The following MYO3B variants were observed in gnomAD, a reference collection of about 807,000 sequenced individuals.
The protein encoded by MYO3B is myosin-IIIb.
Under a neutral mutation model 174.6 loss-of-function variants are expected in MYO3B, and 156 were observed. The observed-to-expected ratio is 0.89, with a 90% confidence interval of 0.78 to 1.02. MYO3B has a LOEUF of 1.02. MYO3B is among the 50% of genes least tolerant of loss of function. MYO3B has a pLI of 0.00. For missense variants in MYO3B, 1,632 were observed against 1,639.4 expected (o/e 1.00, Z 0.08); for synonymous variants, 563 against 569.1 (o/e 0.99, Z 0.15).
intron 8 of MYO3B, among the ~76,000 whole-genome samples, chr2:170,345,720 T>C (rs2094010668): frequency 6.6e-6 from 1 of 151,222 alleles, no homozygotes; most frequent in African/African-American, 2.4e-5. Context: ...ATCCTCAATA[T>C]CTCAAATGGG....
At chr2:170,329,257 GTGTA>G (rs1351811033) in intron 7 of MYO3B, among the ~76,000 whole-genome samples, 3 of 147,522 alleles carry the variant, frequency 2.0e-5, no homozygotes, top group Admixed American at 6.8e-5. Context: ...GTGTGTGTGT[GTGTA>G]TATATATAAA....
At position 170,512,546 on chromosome 2, in the gene MYO3B, C is replaced by G. The variant is rs188954610; in HGVS notation, c.3371-2375C>G. On this transcript the variant is annotated intron_variant, in intron 28 of 34. Coordinates refer to ENST00000408978, the MANE Select transcript of MYO3B (RefSeq NM_138995.5). ...ACGTTTACCCAGCCTAGATCACCAA[C>G]CAGGAAACCTACCAGGACAGTGTCT... Among the ~76,000 whole-genome samples, 530 of 152,280 alleles carry G rather than the reference C, an allele frequency of 3.5e-3. 6 individuals are homozygous for G. The highest frequency in any genetic ancestry group is 5.1e-3 in the Non-Finnish European group (349 of 68,024).
intron 25 of MYO3B, among the ~76,000 whole-genome samples, chr2:170,495,005 C>G (rs1465541186): frequency 6.6e-6 from 1 of 152,154 alleles, no homozygotes. Context: ...CAGAGATCTT[C>G]TGACTCTGAA....
chr2:170,559,636 C>T (rs889897880), intron 32 of MYO3B, among the ~76,000 whole-genome samples: 6 of 152,068 alleles, frequency 3.9e-5, no homozygotes, highest in Non-Finnish European at 8.8e-5. Context: ...TGGATAATGA[C>T]GGGAGGGAGA....
chr2:170,214,932 C>T, intron 5 of MYO3B, 104 bp downstream of exon 5: 1 of 836,068 alleles, frequency 1.2e-6, no homozygotes, highest in Non-Finnish European at 2.0e-6. Context: ...ACACCATAGG[C>T]TGAGGGACTT....
At chr2:170,488,739 T>A (rs1686238135) in intron 25 of MYO3B, among the ~76,000 whole-genome samples, 1 of 152,222 alleles carries the variant, frequency 6.6e-6, no homozygotes, top group South Asian at 2.1e-4. Flanking sequence ...CATATCTATT[T>A]ATCAGTTGGA....
chr2:170,392,370 A>G lies in MYO3B; in HGVS notation c.1677-11A>G. The G allele has an allele frequency of 6.4e-7, 1 of 1,568,812 alleles. No homozygotes were observed. The highest frequency in any genetic ancestry group is 1.2e-5 in the South Asian group (1 of 85,156). ...TGCTCATTCTGTTTGGTCATGCTCC[A>G]CTTCATTTAGGTACATAGCTGATGA... On this transcript the variant is annotated splice_polypyrimidine_tract_variant and intron_variant, in intron 15 of 34. Coordinates refer to ENST00000408978, the MANE Select transcript of MYO3B (RefSeq NM_138995.5).
intron 9 of MYO3B, among the ~76,000 whole-genome samples, chr2:170,378,134 A>T (rs1039796876): frequency 1.3e-5 from 2 of 152,226 alleles, no homozygotes; most frequent in Admixed American, 6.5e-5. Context: ...AGAGAAATAT[A>T]AAACAACGTA....
intron 32 of MYO3B, among the ~76,000 whole-genome samples, chr2:170,602,520 T>C (rs1694577132): frequency 6.6e-6 from 1 of 152,250 alleles, no homozygotes; most frequent in Non-Finnish European, 1.5e-5. Context: ...GGATTTGTCT[T>C]CTCAAGTGTG....
chr2:170,618,377 G>A (rs1199357484), intron 32 of MYO3B, among the ~76,000 whole-genome samples: 3 of 152,196 alleles, frequency 2.0e-5, no homozygotes, highest in Non-Finnish European at 4.4e-5. Context: ...AGCCAGACCT[G>A]GATCGCTGGA....
intron 22 of MYO3B, among the ~76,000 whole-genome samples, chr2:170,431,202 T>G (rs2094705890): frequency 6.6e-6 from 1 of 152,334 alleles, no homozygotes; most frequent in African/African-American, 2.4e-5. Context: ...ACAGCCATAT[T>G]ATTTTCAAGC....
chr2:170,302,040 C>A (rs1360279627), intron 7 of MYO3B, among the ~76,000 whole-genome samples: 1 of 151,832 alleles, frequency 6.6e-6, no homozygotes, highest in Non-Finnish European at 1.5e-5. Context: ...TGAAGCAAGA[C>A]TGAAATGTGG....
At chr2:170,578,772 G>A (rs936795991) in intron 32 of MYO3B, among the ~76,000 whole-genome samples, 8 of 152,212 alleles carry the variant, frequency 5.3e-5, no homozygotes, top group East Asian at 1.9e-4. Flanking sequence ...ACGGACGTCC[G>A]CTGCCCCGCT....
rs200292179 is a variant in MYO3B at position 170,499,722 on chromosome 2, A to G, written c.3203A>G (p.Gln1068Arg). ...REVIGRVVVL[Q>R]AYTKGWLGAR... ...GTCATAGGCAGAGTGGTTGTGCTGC[A>G]GGCATATACCAAGGGGTGGCTTGGA... The change falls in exon 27 of 35, where the codon CAG (glutamine) becomes CGG (arginine). Residue 1068 changes from glutamine (Q) to arginine (R), a missense_variant. Coordinates refer to ENST00000408978, the MANE Select transcript of MYO3B (RefSeq NM_138995.5). 4.2e-4 allele frequency: 682 copies of G among 1,614,176 alleles called. No individual in the cohort carries two copies. The highest frequency in any genetic ancestry group is 5.6e-4 in the Non-Finnish European group (656 of 1,180,008).
At chr2:170,335,591 A>G (rs2093942195) in intron 8 of MYO3B, 141 bp downstream of exon 8, 1 of 609,814 alleles carries the variant, frequency 1.6e-6, no homozygotes, top group Non-Finnish European at 2.9e-6. Context: ...GTTCTAGTAA[A>G]TGATAGAAGA....
At chr2:170,545,349 A>G (rs1281946442) in intron 32 of MYO3B, among the ~76,000 whole-genome samples, 1 of 152,218 alleles carries the variant, frequency 6.6e-6, no homozygotes, top group African/African-American at 2.4e-5. Flanking sequence ...GAGTGGTTTT[A>G]CTTAGGATTA....
At chr2:170,353,365 G>A (rs6736110) in intron 8 of MYO3B, among the ~76,000 whole-genome samples, 23,406 of 152,196 alleles carry the variant, frequency 0.15, 2,011 homozygotes, top group Middle Eastern at 0.23. Context: ...GCAAAACCAT[G>A]GAGACAGTAT....
chr2:170,234,131 A>G (rs940762070), intron 6 of MYO3B, among the ~76,000 whole-genome samples: 1 of 125,150 alleles, frequency 8.0e-6, no homozygotes, highest in Non-Finnish European at 1.6e-5. Flanking sequence ...AGATCCCGCC[A>G]CTGCACTCCA....
chr2:170,634,871 ATCATCACTGG>A lies in MYO3B; in HGVS notation c.3734-16750_3734-16741del, dbSNP rs1559184094. ...CCAACAGACACATGAAAAAATGCTGATCATCACTGGTCATCAGTGAAATGCAAATCAAAAC... is the reference window on the plus strand; with the variant it reads ...CCAACAGACACATGAAAAAATGCTGATCATCAGTGAAATGCAAATCAAAAC... On this transcript the variant is annotated intron_variant, in intron 32 of 34. Transcript: ENST00000408978. 3.3e-5 allele frequency among the ~76,000 whole-genome samples: 5 copies of A among 152,394 alleles called. No individual in the cohort carries two copies. The South Asian group carries it at 6.2e-4, about 19-fold the overall frequency.
Sources: gnomAD v4.1 joint callset for allele counts (sites outside exome capture counted in the v4.1 genomes callset) on GRCh38, gnomAD v4.1.1 for gene constraint, MANE v1.5 for transcripts, NCBI Gene and HGNC (gene_info 2026-07-23, HGNC 2026-07-21) for gene names.